The following GPC3 variants were observed in gnomAD, a reference collection of about 807,000 sequenced individuals.
GPC3 encodes the protein glypican 3, also known as glypican-3.
A neutral mutation model predicts 34.4 loss-of-function variants in GPC3; 3 were observed. That is an observed-to-expected ratio of 0.09 (90% CI 0.04 to 0.23). GPC3 has a LOEUF of 0.23. Ranked by LOEUF, GPC3 falls within the 10% of genes least tolerant of loss-of-function variation. The pLI is 1.00. For synonymous variants in GPC3, 177 were observed against 174.0 expected (o/e 1.02, Z -0.13); for missense variants, 351 against 445.6 (o/e 0.79, Z 1.91).
chrX:133,607,648 T>C (rs1301925782), intron 6 of GPC3, among the ~76,000 whole-genome samples: 6 of 112,386 alleles, frequency 5.3e-5, no homozygotes, highest in Non-Finnish European at 1.1e-4. Context: ...GGTATGGTAA[T>C]AGCTGATTCC....
chrX:133,657,578 T>C lies in GPC3; in HGVS notation c.1413+4152A>G, dbSNP rs962300836. Among the ~76,000 whole-genome samples the C allele has an allele frequency of 4.5e-5, 5 of 111,442 alleles. No homozygotes were observed. In the Admixed American group the frequency reaches 4.8e-4, roughly 11 times the overall value. On this transcript the variant is annotated intron_variant, in intron 6 of 7. Transcript: ENST00000370818. ...GAAATAAAAAGGTCCTCATTTCTGA[T>C]CGTGGGAATGTTACACATGAACTCT...
intron 5 of GPC3, among the ~76,000 whole-genome samples, chrX:133,685,757 GTT>G (rs754793187): frequency 1.2e-4 from 11 of 95,420 alleles, no homozygotes; most frequent in Admixed American, 2.3e-4. Context: ...TCATAACATA[GTT>G]TTTTTTTTTT....
chrX:133,862,402 C>T (rs899450558), intron 2 of GPC3, among the ~76,000 whole-genome samples: 7 of 108,505 alleles, frequency 6.5e-5, no homozygotes, highest in African/African-American at 1.7e-4. Flanking sequence ...AAATAGTGGC[C>T]GGGTGTGGTG....
At chrX:133,664,257 C>G (rs938567039) in intron 5 of GPC3, among the ~76,000 whole-genome samples, 3 of 112,179 alleles carry the variant, frequency 2.7e-5, no homozygotes, top group African/African-American at 9.7e-5. Context: ...CATTTGCAAA[C>G]AGATTATCAT....
At chrX:133,671,331 A>C in intron 5 of GPC3, 1 of 695,983 alleles carries the variant, frequency 1.4e-6, no homozygotes, top group Non-Finnish European at 2.3e-6. Context: ...CCAATAAAGA[A>C]AGTCAGGGGG....
At chrX:133,797,422 A>C (rs1055409923) in intron 2 of GPC3, among the ~76,000 whole-genome samples, 2 of 111,499 alleles carry the variant, frequency 1.8e-5, no homozygotes, top group African/African-American at 6.5e-5. Context: ...GTGCCCACAA[A>C]ACTACAACTT....
Position 133,746,426 on chromosome X carries a change from T to C in GPC3, c.1032+7056A>G, listed in dbSNP as rs374094757. Among the ~76,000 whole-genome samples the C allele has an allele frequency of 2.5e-4, 28 of 112,743 alleles. 1 individual carries two copies. The South Asian group carries it at 9.8e-3, about 40-fold the overall frequency. On this transcript the variant is annotated intron_variant, in intron 3 of 7. Transcript: ENST00000370818. The stretch of plus-strand genomic sequence containing the variant: ...AATATGACCTGTAATATACGTATAA[T>C]TTCAGGATGAAACATTTTTAAAAAG...
At chrX:133,660,679 C>G (rs1385627442) in intron 6 of GPC3, among the ~76,000 whole-genome samples, 1 of 111,588 alleles carries the variant, frequency 9.0e-6, no homozygotes, top group Non-Finnish European at 1.9e-5. Flanking sequence ...TTTAATTGCT[C>G]ATATCCTTTG....
chrX:133,694,601 A>G (rs1258532550), intron 4 of GPC3, among the ~76,000 whole-genome samples: 1 of 110,513 alleles, frequency 9.0e-6, no homozygotes, highest in Non-Finnish European at 1.9e-5. Context: ...GAATATGGCC[A>G]TTAGTCTACG....
intron 6 of GPC3, among the ~76,000 whole-genome samples, chrX:133,613,609 G>A: frequency 8.9e-6 from 1 of 112,230 alleles, no homozygotes; most frequent in East Asian, 2.8e-4. Flanking sequence ...TAAAATGTAA[G>A]AGAGTGGTTT....
chrX:133,887,855 G>GT (rs1245379119), intron 2 of GPC3, among the ~76,000 whole-genome samples: 2 of 109,250 alleles, frequency 1.8e-5, no homozygotes, highest in East Asian at 5.7e-4. Context: ...TGTTGCCTGA[G>GT]TTTTTGAGGT....
intron 6 of GPC3, among the ~76,000 whole-genome samples, chrX:133,656,285 GT>G (rs1393359552): frequency 8.9e-6 from 1 of 112,386 alleles, no homozygotes; most frequent in Non-Finnish European, 1.9e-5. Context: ...AAATTAAGGA[GT>G]TTTTGTTATT....
intron 2 of GPC3, among the ~76,000 whole-genome samples, chrX:133,858,764 T>C (rs966751555): frequency 8.9e-6 from 1 of 111,741 alleles, no homozygotes; most frequent in African/African-American, 3.3e-5. Context: ...ATGTAACATT[T>C]TGTCCTATGA....
intron 3 of GPC3, among the ~76,000 whole-genome samples, chrX:133,733,533 C>A (rs2071481826): frequency 9.0e-6 from 1 of 110,849 alleles, no homozygotes; most frequent in African/African-American, 3.3e-5. Flanking sequence ...AAGGAAATAA[C>A]AAATTAGAGT....
intron 2 of GPC3, among the ~76,000 whole-genome samples, chrX:133,909,342 G>C (rs1460038616): frequency 8.9e-6 from 1 of 111,970 alleles, no homozygotes; most frequent in Non-Finnish European, 1.9e-5. Flanking sequence ...CTAAAATCAA[G>C]ACATATTTAT....
At chrX:133,773,960 G>A (rs776692688) in intron 2 of GPC3, among the ~76,000 whole-genome samples, 2 of 111,765 alleles carry the variant, frequency 1.8e-5, no homozygotes, top group South Asian at 3.8e-4. Context: ...GTTACTAGTT[G>A]GCTGATATTA....
At position 133,796,065 on chromosome X, in the gene GPC3, C is replaced by A. The variant is rs1384915900; in HGVS notation, c.338-41889G>T. Among the ~76,000 whole-genome samples the A allele has an allele frequency of 5.6e-5, 6 of 107,555 alleles. 1 individual carries two copies. Among genetic ancestry groups the A allele is most frequent in the Non-Finnish European group, 1.2e-4 (6 of 52,085 alleles). 93.4% of individuals were successfully genotyped at this position (107,555 alleles called of 115,157 possible). On this transcript the variant is annotated intron_variant, in intron 2 of 7. Transcript: ENST00000370818. ...GGTTCACGCCATTCTCCTGCCTCAG[C>A]CTGCCGAGTAGCTGGGACTACAGGC...
chrX:133,773,056 T>TTTA lies in GPC3; in HGVS notation c.338-18883_338-18881dup, dbSNP rs776217582. 1.3e-3 allele frequency among the ~76,000 whole-genome samples: 140 copies of TTTA among 110,504 alleles called. No homozygotes were observed. The South Asian group carries it at 0.017, about 13-fold the overall frequency. ...AAAAAGGGGGTAGAAAATTTTTATT[T>TTTA]TTATTATTATTATTATTTTGAGATG... On this transcript the variant is annotated intron_variant, in intron 2 of 7. Transcript: ENST00000370818.
At chrX:133,884,608 G>A (rs2076054941) in intron 2 of GPC3, among the ~76,000 whole-genome samples, 1 of 111,556 alleles carries the variant, frequency 9.0e-6, no homozygotes, top group African/African-American at 3.3e-5. Context: ...TAAGTAACTT[G>A]CCCCAAATCA....
Sources: allele counts gnomAD v4.1 joint callset (sites outside exome capture counted in the v4.1 genomes callset), GRCh38; gene constraint gnomAD v4.1.1; transcripts MANE v1.5; gene names NCBI Gene and HGNC (gene_info 2026-07-23, HGNC 2026-07-21).